Variants in CREBBP observed in about 807,000 individuals in gnomAD.
CREBBP encodes the protein CREB binding lysine acetyltransferase, also known as CREB-binding protein.
In CREBBP, 19 loss-of-function variants were observed where a neutral mutation model predicts 265.0. The ratio of observed to expected loss-of-function variants is 0.07; its 90% CI spans 0.05 to 0.11. The LOEUF (loss-of-function observed/expected upper bound fraction) is 0.11, where lower values mean the gene tolerates loss of function less well. Ranked by LOEUF, CREBBP falls within the 10% of genes least tolerant of loss-of-function variation. CREBBP has a pLI of 1.00. For synonymous variants in CREBBP, 1,457 were observed against 1,223.7 expected, an observed-to-expected ratio of 1.19 and a Z score of -3.98; for missense variants, 2,525 against 3,219.0, an observed-to-expected ratio of 0.78 and a Z score of 5.22.
rs146403620 is a variant in CREBBP at position 3,864,796 on chromosome 16, G to C, written c.86-13787C>G. ...TAAAGAATATCCGTGGCTGGGCATG[G>C]TGGTTCACACCTGTAATCCCAGCAC... On this transcript the variant is annotated intron_variant, in intron 1 of 30. Transcript: ENST00000262367. Among the ~76,000 whole-genome samples, 949 of 152,358 alleles carry C rather than the reference G, an allele frequency of 6.2e-3. 8 individuals carry two copies. Among genetic ancestry groups the C allele is most frequent in the Middle Eastern group, 0.017 (5 of 294 alleles).
chr16:3,804,338 T>A (rs1470039333), intron 3 of CREBBP, among the ~76,000 whole-genome samples: 8 of 152,062 alleles, frequency 5.3e-5, no homozygotes, highest in African/African-American at 1.7e-4. Flanking sequence ...GTTCTAAGGA[T>A]TAGAGGGAAA....
chr16:3,851,727 G>A (rs1206614054), intron 1 of CREBBP, among the ~76,000 whole-genome samples: 7 of 151,696 alleles, frequency 4.6e-5, no homozygotes, highest in African/African-American at 9.7e-5. Context: ...GGTGGCGGGC[G>A]CCTGTAGTCC....
rs1169992178 is a variant in CREBBP, at chr16:3,725,195, C to G, written c.*2523G>C. On this transcript the variant is annotated 3_prime_UTR_variant, in exon 31 of 31. Transcript: ENST00000262367. Reference sequence around the variant, plus strand: ...CACAGCGTTGGGGCTTTCCAGGTTTCTTACAGAAATTTCCTTACGACAAAC... The same window carrying G: ...CACAGCGTTGGGGCTTTCCAGGTTTGTTACAGAAATTTCCTTACGACAAAC... 4.3e-6 allele frequency: 1 copy of G among 233,466 alleles called. No homozygotes were observed. Among genetic ancestry groups the G allele is most frequent in the Non-Finnish European group, 8.5e-6 (1 of 118,026 alleles). 14.5% of individuals were successfully genotyped at this position (233,466 alleles called of 1,614,324 possible). A position where few individuals can be genotyped will look rare whatever the true frequency, so the allele number is the denominator to read the frequency against.
chr16:3,738,958 G>A (rs1382425609), intron 25 of CREBBP, among the ~76,000 whole-genome samples: 1 of 152,124 alleles, frequency 6.6e-6, no homozygotes, highest in East Asian at 1.9e-4. Flanking sequence ...GTTCAGACTT[G>A]TCTCAGACTC....
intron 2 of CREBBP, among the ~76,000 whole-genome samples, chr16:3,826,924 C>A (rs142466950): frequency 6.6e-6 from 1 of 152,030 alleles, no homozygotes; most frequent in Non-Finnish European, 1.5e-5. Flanking sequence ...ATAGGAAGTG[C>A]GTGGATGGTG....
intron 1 of CREBBP, among the ~76,000 whole-genome samples, chr16:3,854,518 T>C (rs903041666): frequency 3.9e-5 from 6 of 152,232 alleles, no homozygotes; most frequent in Non-Finnish European, 7.3e-5. Context: ...CCATTTTAGC[T>C]GGAGTTTAAC....
At chr16:3,794,331 CAAAAAAAAAAAAAAAAAAAAAA>C (rs746656673) in intron 3 of CREBBP, among the ~76,000 whole-genome samples, 1 of 39,594 alleles carries the variant, frequency 2.5e-5, no homozygotes, top group Non-Finnish European at 4.7e-5. Flanking sequence ...GACTCCGTCT[CAAAAAAAAAAAAAAAAAAAAAA>C]AAAAAAAAAA....
chr16:3,777,705 A>C, intron 10 of CREBBP, 48 bp from the exon 11 acceptor site: 1 of 1,602,350 alleles, frequency 6.2e-7, no homozygotes, highest in Non-Finnish European at 8.5e-7. Context: ...TAGTTATTTA[A>C]TATAATCCTT....
chr16:3,795,932 C>G (rs893556868), intron 3 of CREBBP, among the ~76,000 whole-genome samples: 28 of 152,102 alleles, frequency 1.8e-4, no homozygotes, highest in African/African-American at 6.8e-4. Context: ...GAGTCATATC[C>G]CAATTTCTCT....
chr16:3,804,233 C>T (rs1007038432), intron 3 of CREBBP, among the ~76,000 whole-genome samples: 14 of 152,014 alleles, frequency 9.2e-5, no homozygotes, highest in Non-Finnish European at 1.9e-4. Context: ...AGAGAATTAC[C>T]AATTTACTAA....
chr16:3,861,788 G>T (rs2055080883), intron 1 of CREBBP, among the ~76,000 whole-genome samples: 1 of 149,422 alleles, frequency 6.7e-6, no homozygotes, highest in African/African-American at 2.5e-5. Context: ...ATGACTATTA[G>T]GAAATAATTA....
chr16:3,734,856 C>G (rs751933914), intron 28 of CREBBP, among the ~76,000 whole-genome samples: 14 of 152,178 alleles, frequency 9.2e-5, no homozygotes, highest in Non-Finnish European at 1.5e-4. Context: ...CAGACGTGCT[C>G]TCATATGGGA....
intron 5 of CREBBP, among the ~76,000 whole-genome samples, chr16:3,790,673 C>G (rs1171730128): frequency 1.3e-5 from 2 of 152,096 alleles, no homozygotes; most frequent in Non-Finnish European, 2.9e-5. Context: ...TTAAAGGAAA[C>G]TCGTTGTGGT....
chr16:3,787,074 A>C (rs1229499998), intron 5 of CREBBP, among the ~76,000 whole-genome samples: 2 of 151,798 alleles, frequency 1.3e-5, no homozygotes, highest in African/African-American at 4.8e-5. Flanking sequence ...TCGTCTCAAA[A>C]AAAAAAAAAA....
chr16:3,802,114 A>ATTTT lies in CREBBP; in HGVS notation c.975+8485_975+8488dup, dbSNP rs71133657. On this transcript the variant is annotated intron_variant, in intron 3 of 30. Transcript: ENST00000262367. ...TTTATATTTACTCTGGTATTCCTTA[A>ATTTT]TTTTTTTTTTTTTTTTTTTTTTTTT... Among the ~76,000 whole-genome samples, 481 of 50,644 alleles carry ATTTT rather than the reference A, an allele frequency of 9.5e-3. 56 individuals are homozygous for ATTTT. The highest frequency in any genetic ancestry group is 0.016 in the East Asian group (22 of 1,334). The allele number at this position is 50,644 out of a possible 152,430, so 33.2% of individuals were successfully genotyped here.
chr16:3,856,845 TA>T (rs1183176691), intron 1 of CREBBP, among the ~76,000 whole-genome samples: 1 of 152,190 alleles, frequency 6.6e-6, no homozygotes, highest in Non-Finnish European at 1.5e-5. Context: ...CCTAACTGGC[TA>T]TTTTGAACAT....
At chr16:3,754,029 G>A (rs973648290) in intron 19 of CREBBP, among the ~76,000 whole-genome samples, 2 of 152,128 alleles carry the variant, frequency 1.3e-5, no homozygotes, top group Admixed American at 6.5e-5. Context: ...AGGCACTGGT[G>A]GTGGAATGGC....
At position 3,725,251 on chromosome 16, in the gene CREBBP, G is replaced by A. The variant is rs193262955; in HGVS notation, c.*2467C>T. 5.6e-5 allele frequency: 13 copies of A among 233,350 alleles called. No homozygotes were observed. Among genetic ancestry groups the A allele is most frequent in the Admixed American group, 1.1e-4 (2 of 17,778 alleles). 14.5% of individuals were successfully genotyped at this position (233,350 alleles called of 1,614,324 possible). The stretch of plus-strand genomic sequence containing the variant: ...GTTAGCATCCACAGACCATGCTCTC[G>A]GTCACATCCTTCGACATCTGGATTG... On this transcript the variant is annotated 3_prime_UTR_variant, in exon 31 of 31. Coordinates refer to ENST00000262367, the MANE Select transcript of CREBBP (RefSeq NM_004380.3).
At chr16:3,770,464 G>T in intron 14 of CREBBP, 106 bp downstream of exon 14, 4 of 1,309,782 alleles carry the variant, frequency 3.1e-6, no homozygotes, top group Non-Finnish European at 4.4e-6. Flanking sequence ...CCAAGGTGCT[G>T]AAATTATAGG....
Sources: allele counts gnomAD v4.1 joint callset (sites outside exome capture counted in the v4.1 genomes callset), GRCh38; gene constraint gnomAD v4.1.1; transcripts MANE v1.5; gene names NCBI Gene and HGNC (gene_info 2026-07-23, HGNC 2026-07-21).